Variants in PMFBP1 observed in about 807,000 individuals in gnomAD.
PMFBP1 encodes polyamine modulated factor 1 binding protein 1, also known as polyamine-modulated factor 1-binding protein 1.
Under a neutral mutation model 137.8 loss-of-function variants are expected in PMFBP1, and 131 were observed. The ratio of observed to expected loss-of-function variants is 0.95; its 90% CI spans 0.82 to 1.10. The LOEUF (loss-of-function observed/expected upper bound fraction) is 1.10, where lower values mean the gene tolerates loss of function less well. Among genes scored for constraint, PMFBP1 ranks in the 50% least tolerant of loss-of-function variants. The pLI is 0.00. For synonymous variants in PMFBP1, 490 were observed against 450.4 expected (o/e 1.09, Z -1.11); for missense variants, 1,199 against 1,175.4 (o/e 1.02, Z -0.29).
the PMFBP1 span, among the ~76,000 whole-genome samples, chr16:72,229,476 G>A: frequency 6.6e-6 from 1 of 152,150 alleles, no homozygotes; most frequent in Non-Finnish European, 1.5e-5. Flanking sequence ...CCACAGCAGT[G>A]CATAAGCATT....
intron 3 of PMFBP1, among the ~76,000 whole-genome samples, chr16:72,162,179 G>A (rs1444323689): frequency 2.0e-5 from 3 of 152,190 alleles, no homozygotes; most frequent in African/African-American, 7.2e-5. Flanking sequence ...CAGGACTACA[G>A]TGAGGGAAGT....
At chr16:72,245,136 G>T in the PMFBP1 span, among the ~76,000 whole-genome samples, 1 of 152,082 alleles carries the variant, frequency 6.6e-6, no homozygotes, top group African/African-American at 2.4e-5. Context: ...TGTTAGCACT[G>T]GGGGGGATCT....
chr16:72,122,802 C>T (rs905133649), intron 19 of PMFBP1, 112 bp downstream of exon 19: 1 of 959,166 alleles, frequency 1.0e-6, no homozygotes, highest in South Asian at 1.6e-5. Context: ...TCCAAAGCAC[C>T]AGGCCTTTCC....
At chr16:72,165,048 A>G in intron 2 of PMFBP1, 132 bp from the exon 3 acceptor site, 1 of 890,854 alleles carries the variant, frequency 1.1e-6, no homozygotes, top group Non-Finnish European at 1.6e-6. Flanking sequence ...GTTATTACTC[A>G]TCCTGTGTAA....
At chr16:72,153,494 G>A (rs150100285) in intron 4 of PMFBP1, among the ~76,000 whole-genome samples, 52 of 152,116 alleles carry the variant, frequency 3.4e-4, no homozygotes, top group African/African-American at 5.1e-4. Flanking sequence ...GGAAGAGTAC[G>A]TCTGTCCCAT....
At chr16:72,222,795 T>G in the PMFBP1 span, among the ~76,000 whole-genome samples, 1 of 152,114 alleles carries the variant, frequency 6.6e-6, no homozygotes, top group Non-Finnish European at 1.5e-5. Context: ...GAGAAATCCA[T>G]GAGAAGCCCT....
chr16:72,210,266 C>G, the PMFBP1 span, among the ~76,000 whole-genome samples: 1 of 152,126 alleles, frequency 6.6e-6, no homozygotes, highest in Non-Finnish European at 1.5e-5. Context: ...GTTGGCCTTC[C>G]CCAGCAGGAG....
In PMFBP1 at chr16:72,128,582, G is replaced by T. The variant is rs760137384; in HGVS notation, c.2088+75C>A. Reference sequence around the variant, plus strand: ...GTTAGCTGCATTTCTGTGTGGAGGAGAGGTGGGTACAGATTTCAGGTCAAG... The same window carrying T: ...GTTAGCTGCATTTCTGTGTGGAGGATAGGTGGGTACAGATTTCAGGTCAAG... On this transcript the variant is annotated intron_variant, in intron 14 of 20. Coordinates refer to ENST00000237353, the MANE Select transcript of PMFBP1 (RefSeq NM_031293.3). 7 of 1,612,614 alleles carry T rather than the reference G, an allele frequency of 4.3e-6. No individual in the cohort carries two copies. The South Asian group carries it at 7.7e-5, about 18-fold the overall frequency.
chr16:72,152,619 C>T (rs530709299), intron 4 of PMFBP1, among the ~76,000 whole-genome samples: 152 of 152,034 alleles, frequency 1.0e-3, no homozygotes, highest in Admixed American at 1.6e-3. Context: ...CCAAGATGGG[C>T]GGATCACCCG....
the PMFBP1 span, among the ~76,000 whole-genome samples, chr16:72,195,294 TC>T: frequency 6.6e-6 from 1 of 152,088 alleles, no homozygotes; most frequent in Non-Finnish European, 1.5e-5. Flanking sequence ...AGTCTGAGGC[TC>T]CTCCTACCTC....
intron 2 of PMFBP1, among the ~76,000 whole-genome samples, chr16:72,167,634 G>A (rs1049586048): frequency 6.6e-6 from 1 of 152,188 alleles, no homozygotes; most frequent in African/African-American, 2.4e-5. Flanking sequence ...CTGGGAATAG[G>A]GTATGGAGCC....
the PMFBP1 span, among the ~76,000 whole-genome samples, chr16:72,231,187 A>G: frequency 6.6e-6 from 1 of 152,180 alleles, no homozygotes; most frequent in African/African-American, 2.4e-5. Flanking sequence ...TGAGGGCCAC[A>G]TGGTCTTTGT....
At chr16:72,179,607 C>T (rs2043269750), upstream of PMFBP1, among the ~76,000 whole-genome samples, 1 of 151,810 alleles carries the variant, frequency 6.6e-6, no homozygotes, top group Admixed American at 6.6e-5. Flanking sequence ...AAAAAAAAGG[C>T]AGTTCTGAAC....
At position 72,125,314 on chromosome 16, in the gene PMFBP1, G is replaced by A; in HGVS notation, c.2345C>T (p.Ala782Val). Residue 782 changes from alanine to valine, a missense_variant, in exon 16 of 21, where the codon GCT (alanine) becomes GTT (valine). By Grantham distance (64) the Ala-to-Val change is moderately conservative (BLOSUM62 0). Transcript: ENST00000237353. ...GAGCTTTTTCATCCTTTCCTCATAA[G>A]CAATGATTTCCTCTTCCAGCTGAGC... is the stretch of plus-strand genomic sequence containing the variant. ...KKAQLEEEII[A>V]YEERMKKLNT... 1 of 1,614,124 alleles carries A rather than the reference G, an allele frequency of 6.2e-7. No individual in the cohort carries two copies. The highest frequency in any genetic ancestry group is 1.1e-5 in the South Asian group (1 of 91,074).
chr16:72,163,033 A>G (rs1275309367), intron 3 of PMFBP1, among the ~76,000 whole-genome samples: 1 of 152,238 alleles, frequency 6.6e-6, no homozygotes, highest in East Asian at 1.9e-4. Context: ...TGTGGTTTCA[A>G]TAGTGAGGTG....
chr16:72,119,999 T>C lies in PMFBP1; in HGVS notation c.2859A>G (p.Thr953=). 6.2e-7 allele frequency: 1 copy of C among 1,614,152 alleles called. No individual in the cohort carries two copies. Among genetic ancestry groups the C allele is most frequent in the South Asian group, 1.1e-5 (1 of 91,074 alleles). ...IEEKKMKAEN[T]RLCTKALGPS... is the part of the protein sequence containing the mutation. ...GGCCTAGGGCTTTGGTGCATAGCCT[T>C]GTGTTCTCGGCTTTCATCTTCTTCT... Residue 953 remains threonine (T), a synonymous_variant, in exon 20 of 21, where the codon ACA becomes ACG. Transcript: ENST00000237353.
At chr16:72,227,408 A>G in the PMFBP1 span, among the ~76,000 whole-genome samples, 1 of 152,196 alleles carries the variant, frequency 6.6e-6, no homozygotes, top group Non-Finnish European at 1.5e-5. Flanking sequence ...TGCTTATTCT[A>G]GAACATTTGG....
chr16:72,126,692 G>A (rs1220736925), intron 14 of PMFBP1, among the ~76,000 whole-genome samples: 1 of 152,172 alleles, frequency 6.6e-6, no homozygotes, highest in Non-Finnish European at 1.5e-5. Flanking sequence ...TTGGAGTTAG[G>A]GATCAATTGA....
chr16:72,184,267 C>T, the PMFBP1 span, among the ~76,000 whole-genome samples: 3 of 152,104 alleles, frequency 2.0e-5, no homozygotes, highest in African/African-American at 4.8e-5. Flanking sequence ...TCAGGTTGTT[C>T]CTACAATAAC....
Sources: gnomAD v4.1 joint callset for allele counts (sites outside exome capture counted in the v4.1 genomes callset) on GRCh38, gnomAD v4.1.1 for gene constraint, MANE v1.5 for transcripts, NCBI Gene and HGNC (gene_info 2026-07-23, HGNC 2026-07-21) for gene names.